Variants in TEX9 observed in about 807,000 individuals in gnomAD.
TEX9 encodes the protein testis expressed 9.
In TEX9, 74 loss-of-function variants were observed where a neutral mutation model predicts 59.6. The observed-to-expected ratio is 1.24, with a 90% confidence interval of 1.03 to 1.51. The LOEUF is 1.51. Among genes scored for constraint, TEX9 ranks in the 40% most tolerant of loss-of-function variants. The probability of loss-of-function intolerance (pLI) is 0.00; values close to 1 mark genes in which losing one functional copy is unlikely to be tolerated. For synonymous variants in TEX9, 186 were observed against 152.2 expected (o/e 1.22, Z -1.64); for missense variants, 522 against 447.8 (o/e 1.17, Z -1.49).
chr15:56,255,505 A>G (rs1010049956), intron 1 of TEX9, among the ~76,000 whole-genome samples: 2 of 152,096 alleles, frequency 1.3e-5, no homozygotes, highest in African/African-American at 4.8e-5. Context: ...AGAAAAAGAC[A>G]CCTAAAAAGA....
chr15:56,298,134 AT>A (rs2045260007), intron 1 of TEX9, among the ~76,000 whole-genome samples: 1 of 152,168 alleles, frequency 6.6e-6, no homozygotes, highest in South Asian at 2.1e-4. Context: ...ATTGTAATTT[AT>A]TTTATTTATA....
intron 9 of TEX9, 131 bp from the exon 10 acceptor site, chr15:56,412,171 A>AGC (rs1555444979): frequency 1.4e-6 from 1 of 726,478 alleles, no homozygotes; most frequent in Admixed American, 3.5e-5. Flanking sequence ...TCTACCCCCA[A>AGC]GCGTGTGTGT....
At chr15:56,251,873 G>T (rs547655295) in intron 1 of TEX9, among the ~76,000 whole-genome samples, 1 of 152,022 alleles carries the variant, frequency 6.6e-6, no homozygotes, top group Non-Finnish European at 1.5e-5. Flanking sequence ...TACAAGCGAC[G>T]GCATAGAAAC....
At chr15:56,402,616 A>T (rs2048852929) in intron 9 of TEX9, among the ~76,000 whole-genome samples, 1 of 152,220 alleles carries the variant, frequency 6.6e-6, no homozygotes, top group African/African-American at 2.4e-5. Flanking sequence ...AAAAAGAGGG[A>T]ATCCTCCCTA....
chr15:56,246,082 T>C (rs1195506581), intron 1 of TEX9, among the ~76,000 whole-genome samples: 4 of 151,970 alleles, frequency 2.6e-5, no homozygotes, highest in Non-Finnish European at 4.4e-5. Flanking sequence ...AACCAAGACG[T>C]TTTATAAAAA....
intron 9 of TEX9, among the ~76,000 whole-genome samples, chr15:56,406,985 G>A (rs1296495218): frequency 6.6e-6 from 1 of 151,962 alleles, no homozygotes; most frequent in Non-Finnish European, 1.5e-5. Flanking sequence ...TTACTTTCTT[G>A]TGGTTGGTGC....
intron 1 of TEX9, among the ~76,000 whole-genome samples, chr15:56,281,176 A>G (rs1328506719): frequency 2.6e-5 from 4 of 152,356 alleles, no homozygotes; most frequent in Admixed American, 6.5e-5. Context: ...GCTTTAAAAT[A>G]TATTTGTGTT....
upstream of TEX9, among the ~76,000 whole-genome samples, chr15:56,361,708 G>A (rs1380135277): frequency 1.3e-5 from 2 of 148,378 alleles, no homozygotes; most frequent in African/African-American, 5.3e-5. Context: ...GCCCACATCC[G>A]ATATTACTGG....
chr15:56,278,129 T>A (rs1339359440), intron 1 of TEX9, among the ~76,000 whole-genome samples: 4 of 152,162 alleles, frequency 2.6e-5, no homozygotes, highest in African/African-American at 9.7e-5. Context: ...TATATGTTCT[T>A]TACAATATTT....
At chr15:56,251,889 G>T (rs2044029547) in intron 1 of TEX9, among the ~76,000 whole-genome samples, 1 of 152,012 alleles carries the variant, frequency 6.6e-6, no homozygotes, top group South Asian at 2.1e-4. Context: ...GAAACTTAAG[G>T]GGAGCTGGGG....
chr15:56,284,994 G>T (rs765281707), intron 1 of TEX9, among the ~76,000 whole-genome samples: 3 of 151,982 alleles, frequency 2.0e-5, no homozygotes, highest in Non-Finnish European at 4.4e-5. Flanking sequence ...ATGTGTTATT[G>T]AATATATTAA....
intron 1 of TEX9, among the ~76,000 whole-genome samples, chr15:56,290,542 A>G (rs2045064590): frequency 6.6e-6 from 1 of 151,946 alleles, no homozygotes; most frequent in Non-Finnish European, 1.5e-5. Context: ...TTGACCTTCT[A>G]CGGTCCTCAA....
At chr15:56,453,241 A>G in the TEX9 span, among the ~76,000 whole-genome samples, 187 of 152,310 alleles carry the variant, frequency 1.2e-3, no homozygotes, top group African/African-American at 4.2e-3. Context: ...ACATTCAAAT[A>G]TCAACTAAAT....
rs555762260 is a variant in TEX9 at position 56,256,734 on chromosome 15, T to G, written c.-107+12456T>G. 2.6e-5 allele frequency among the ~76,000 whole-genome samples: 4 copies of G among 152,138 alleles called. No individual in the cohort carries two copies. In the South Asian group the frequency reaches 8.3e-4, roughly 31 times the overall value. ...GAAATAGATTTTGAAAAGTTTGAGGTGAATACTGAATTTAAGCTAATTTTT... is the reference window on the plus strand; with the variant it reads ...GAAATAGATTTTGAAAAGTTTGAGGGGAATACTGAATTTAAGCTAATTTTT... On this transcript the variant is annotated intron_variant, in intron 1 of 5. Transcript: ENST00000560827.
chr15:56,384,058 T>C, intron 4 of TEX9, 27 bp downstream of exon 4: 1 of 1,560,482 alleles, frequency 6.4e-7, no homozygotes. Flanking sequence ...CTCAAGCACC[T>C]TCTTTTAAAA....
At chr15:56,405,096 G>A (rs1480665221) in intron 9 of TEX9, among the ~76,000 whole-genome samples, 2 of 152,024 alleles carry the variant, frequency 1.3e-5, no homozygotes, top group African/African-American at 2.4e-5. Context: ...AAACCTGCAC[G>A]TTGTGCACAT....
In TEX9 at chr15:56,443,192, T is replaced by A. The variant is rs187636262; in HGVS notation, c.*30-2479T>A. Among the ~76,000 whole-genome samples the A allele has an allele frequency of 5.6e-3, 858 of 152,314 alleles. 6 individuals carry two copies. Among genetic ancestry groups the A allele is most frequent in the Non-Finnish European group, 8.5e-3 (575 of 68,018 alleles). On this transcript the variant is annotated intron_variant, in intron 12 of 12. Transcript: ENST00000352903. ...CTTTTAAAGTATGTATCTTCATTTTTAAATTGTGATTACAGACAACATAGT... is the reference window on the plus strand; with the variant it reads ...CTTTTAAAGTATGTATCTTCATTTTAAAATTGTGATTACAGACAACATAGT...
chr15:56,331,202 A>G (rs1298010902), intron 1 of TEX9, among the ~76,000 whole-genome samples: 1 of 152,226 alleles, frequency 6.6e-6, no homozygotes, highest in Non-Finnish European at 1.5e-5. Context: ...ATATAATAAT[A>G]GCTGGGGAAT....
At chr15:56,361,588 T>C (rs62022096), upstream of TEX9, among the ~76,000 whole-genome samples, 20 of 152,150 alleles carry the variant, frequency 1.3e-4, no homozygotes, top group Admixed American at 3.3e-4. Flanking sequence ...CGGTTATAGG[T>C]TAAAGTGTGC....
Sources: gnomAD v4.1 joint callset for allele counts (sites outside exome capture counted in the v4.1 genomes callset) on GRCh38, gnomAD v4.1.1 for gene constraint, MANE v1.5 for transcripts, NCBI Gene and HGNC (gene_info 2026-07-23, HGNC 2026-07-21) for gene names.